VAV2: variants seen among roughly 807,000 people sequenced by gnomAD.
VAV2 encodes the protein guanine nucleotide exchange factor VAV2.
VAV2 carries 67 observed loss-of-function variants against 132.5 expected under a neutral mutation model. That is an observed-to-expected ratio of 0.51 (90% CI 0.42 to 0.62). The LOEUF (loss-of-function observed/expected upper bound fraction) is 0.62, where lower values mean the gene tolerates loss of function less well. Among genes scored for constraint, VAV2 ranks in the 20% least tolerant of loss-of-function variants. The pLI is 0.00. For synonymous variants in VAV2, 492 were observed against 443.5 expected, an observed-to-expected ratio of 1.11 and a Z score of -1.37; for missense variants, 938 against 1,153.6, an observed-to-expected ratio of 0.81 and a Z score of 2.71.
In VAV2 at chr9:133,980,548, G is replaced by A. The variant is rs1388448102; in HGVS notation, c.204+11527C>T. On this transcript the variant is annotated intron_variant, in intron 1 of 29. Transcript: ENST00000371850. ...GAGGCTGATCATCACCCAGCTGCCC[G>A]ACCAGCCATGGGGCATGGCCACCTC... Among the ~76,000 whole-genome samples the A allele has an allele frequency of 3.9e-5, 6 of 152,180 alleles. 1 individual carries two copies. In the East Asian group the frequency reaches 5.8e-4, roughly 15 times the overall value.
At chr9:133,952,869 G>C (rs1445482924) in intron 1 of VAV2, among the ~76,000 whole-genome samples, 2,570 of 80,644 alleles carry the variant, frequency 0.032, 54 homozygotes, top group East Asian at 0.057. Context: ...CATGGCCCCC[G>C]GGACACCTAG....
intron 4 of VAV2, among the ~76,000 whole-genome samples, chr9:133,832,025 G>A (rs1036926013): frequency 2.0e-5 from 3 of 152,202 alleles, no homozygotes; most frequent in East Asian, 1.9e-4. Flanking sequence ...AAAAAAGCTC[G>A]TAAGCACCGC....
intron 2 of VAV2, 146 bp downstream of exon 2, chr9:133,938,957 C>A: frequency 1.3e-6 from 1 of 762,032 alleles, no homozygotes; most frequent in Non-Finnish European, 2.3e-6. Context: ...GACCTGCCTG[C>A]ACCTCCCGGA....
chr9:133,970,498 C>T (rs747990445), intron 1 of VAV2, among the ~76,000 whole-genome samples: 1 of 152,092 alleles, frequency 6.6e-6, no homozygotes, highest in African/African-American at 2.4e-5. Context: ...AGAGGCGTGG[C>T]AGTGGCGATC....
chr9:133,820,824 T>A (rs1160407985), intron 4 of VAV2, among the ~76,000 whole-genome samples: 2 of 152,150 alleles, frequency 1.3e-5, no homozygotes, highest in Non-Finnish European at 2.9e-5. Context: ...TGAAGTCTCC[T>A]GGGAGTACAG....
chr9:133,797,851 T>C (rs762058999), intron 9 of VAV2, 42 bp from the exon 10 acceptor site: 15 of 1,594,282 alleles, frequency 9.4e-6, no homozygotes, highest in African/African-American at 5.4e-5. Context: ...ACAGATTTAA[T>C]GAGCAGCTCG....
chr9:133,972,646 G>A (rs1374446407), intron 1 of VAV2, among the ~76,000 whole-genome samples: 1 of 152,204 alleles, frequency 6.6e-6, no homozygotes, highest in Non-Finnish European at 1.5e-5. Context: ...GTCATCGGCA[G>A]GGCCTCCCGC....
At chr9:133,942,742 C>G (rs1411869119) in intron 1 of VAV2, among the ~76,000 whole-genome samples, 1 of 152,232 alleles carries the variant, frequency 6.6e-6, no homozygotes, top group African/African-American at 2.4e-5. Context: ...CCAGCAACTG[C>G]TGTGCCTGGC....
At position 133,833,537 on chromosome 9, in the gene VAV2, C is replaced by A. The variant is rs1207459635; in HGVS notation, c.449+735G>T. Among the ~76,000 whole-genome samples the A allele has an allele frequency of 1.3e-5, 2 of 152,124 alleles. No individual in the cohort carries two copies. The highest frequency in any genetic ancestry group is 2.9e-5 in the Non-Finnish European group (2 of 68,002). ...GTGGCCTGGGAGGGTGGTGGATGAGCCAGGCCGTGAGGCCCCAGCAAGGAT... is the reference window on the plus strand; with the variant it reads ...GTGGCCTGGGAGGGTGGTGGATGAGACAGGCCGTGAGGCCCCAGCAAGGAT... On this transcript the variant is annotated intron_variant, in intron 4 of 29. Coordinates refer to ENST00000371850, the MANE Select transcript of VAV2 (RefSeq NM_001134398.2). This position sits in a 1 kb window ranked among gnomAD's most constrained non-coding sequence, Gnocchi z 5.6.
chr9:133,931,241 G>A (rs1481670277), intron 2 of VAV2, among the ~76,000 whole-genome samples: 1 of 152,202 alleles, frequency 6.6e-6, no homozygotes, highest in Non-Finnish European at 1.5e-5. Context: ...AGAGCGGGAA[G>A]GCACCAGCAG....
chr9:133,872,429 C>T (rs965689628), intron 2 of VAV2, among the ~76,000 whole-genome samples: 1 of 152,222 alleles, frequency 6.6e-6, no homozygotes, highest in South Asian at 2.1e-4. Context: ...CCTCACTCCG[C>T]GCACCGTCTT....
chr9:133,855,210 C>T (rs906699430), intron 3 of VAV2, among the ~76,000 whole-genome samples: 10 of 152,212 alleles, frequency 6.6e-5, no homozygotes, highest in African/African-American at 2.4e-4. Context: ...AAGGTGTTGG[C>T]GTGCGGACCC....
intron 2 of VAV2, among the ~76,000 whole-genome samples, chr9:133,872,353 C>T (rs540116444): frequency 2.0e-4 from 30 of 152,340 alleles, no homozygotes; most frequent in African/African-American, 5.3e-4. Context: ...TGGGTGACTG[C>T]GAGTCTAACT....
chr9:133,990,554 C>CCCCA, intron 1 of VAV2, among the ~76,000 whole-genome samples: 1 of 152,312 alleles, frequency 6.6e-6, no homozygotes, highest in South Asian at 2.1e-4. Flanking sequence ...CTGCCCTGAG[C>CCCCA]CCCAGCCTGC....
chr9:133,811,546 T>C (rs1835358588), intron 5 of VAV2, among the ~76,000 whole-genome samples: 1 of 152,230 alleles, frequency 6.6e-6, no homozygotes, highest in African/African-American at 2.4e-5. Flanking sequence ...GATCCCCACC[T>C]TCCACATAGC....
At chr9:133,842,062 A>G (rs936608575) in intron 3 of VAV2, among the ~76,000 whole-genome samples, 8 of 152,196 alleles carry the variant, frequency 5.3e-5, no homozygotes, top group African/African-American at 1.9e-4. Context: ...GCAGCCCTCA[A>G]TGAACATTTG....
intron 9 of VAV2, among the ~76,000 whole-genome samples, chr9:133,799,845 A>G (rs1451465822): frequency 6.6e-6 from 1 of 152,174 alleles, no homozygotes; most frequent in Non-Finnish European, 1.5e-5. Flanking sequence ...GAACAGAGGG[A>G]CATTTAAGAG....
intron 3 of VAV2, among the ~76,000 whole-genome samples, chr9:133,859,664 G>A (rs1490490420): frequency 6.6e-6 from 1 of 152,096 alleles, no homozygotes; most frequent in African/African-American, 2.4e-5. Flanking sequence ...ACAGGCTGGG[G>A]AGTATAACCA....
intron 1 of VAV2, among the ~76,000 whole-genome samples, chr9:133,942,192 A>G (rs1841189444): frequency 6.6e-6 from 1 of 152,364 alleles, no homozygotes; most frequent in South Asian, 2.1e-4. Context: ...ACAGAGAGAC[A>G]TGGAGACACA....
Sources: gnomAD v4.1 joint callset for allele counts (sites outside exome capture counted in the v4.1 genomes callset) on GRCh38, gnomAD v4.1.1 for gene constraint, Gnocchi (gnomAD v3.1) non-coding constraint, MANE v1.5 for transcripts, NCBI Gene and HGNC (gene_info 2026-07-23, HGNC 2026-07-21) for gene names.